Variants in IQCE observed in about 807,000 individuals in gnomAD.
IQCE encodes the protein IQ motif containing E.
A neutral mutation model predicts 96.0 loss-of-function variants in IQCE; 115 were observed. The observed-to-expected ratio is 1.20, with a 90% CI of 1.03 to 1.40. IQCE has a LOEUF of 1.40. IQCE is among the 40% of genes most tolerant of loss of function. The probability of loss-of-function intolerance (pLI) is 0.00; values close to 1 mark genes in which losing one functional copy is unlikely to be tolerated. For synonymous variants in IQCE, 412 were observed against 371.2 expected (o/e 1.11, Z -1.26); for missense variants, 1,041 against 909.1 (o/e 1.15, Z -1.87).
At chr7:2,594,359 C>T (rs1783852461) in intron 15 of IQCE, among the ~76,000 whole-genome samples, 1 of 124,282 alleles carries the variant, frequency 8.0e-6, no homozygotes, top group Middle Eastern at 3.9e-3. Context: ...GGCACATGTG[C>T]AGAAATGAAT....
At chr7:2,566,788 T>TG (rs1781406833) in intron 1 of IQCE, among the ~76,000 whole-genome samples, 1 of 152,230 alleles carries the variant, frequency 6.6e-6, no homozygotes, top group Non-Finnish European at 1.5e-5. Context: ...AGAACATTTA[T>TG]GTAAAAATGA....
rs7786874 is a variant in IQCE, at chr7:2,584,373, C to T, written c.824+88C>T. Reference sequence around the variant, plus strand: ...AGAATGTGTGGCTGTCACGTGGGTGCGGCATATACTGCCCTTAGCTTGGCA... The same window carrying T: ...AGAATGTGTGGCTGTCACGTGGGTGTGGCATATACTGCCCTTAGCTTGGCA... On this transcript the variant is annotated intron_variant, in intron 11 of 21. Transcript: ENST00000402050. The T allele has an allele frequency of 1.9e-3, 2,310 of 1,218,278 alleles. 36 individuals carry two copies. The African/African-American group carries it at 0.024, about 13-fold the overall frequency. The allele number at this position is 1,218,278 out of a possible 1,614,324, so 75.5% of individuals were successfully genotyped here. A position where few individuals can be genotyped will look rare whatever the true frequency, so the allele number is the denominator to read the frequency against.
At chr7:2,562,858 T>TC (rs1459714533) in intron 1 of IQCE, among the ~76,000 whole-genome samples, 1 of 151,772 alleles carries the variant, frequency 6.6e-6, no homozygotes, top group Non-Finnish European at 1.5e-5. Flanking sequence ...TTTCTTTCTT[T>TC]TTTTTTTTTA....
At chr7:2,577,678 C>T (rs1782267863) in intron 6 of IQCE, among the ~76,000 whole-genome samples, 1 of 81,840 alleles carries the variant, frequency 1.2e-5, no homozygotes, top group Non-Finnish European at 2.5e-5. Context: ...GACGTGTGTG[C>T]GGCGTGCACG....
rs533117330 is a variant in IQCE, at chr7:2,573,623, A to G, written c.465+135A>G. The stretch of plus-strand genomic sequence containing the variant: ...AGCGTTAGGGTCGAACCTGAGTTTG[A>G]GCCGTGGCGTAGTGCCCTAGGAGCT... On this transcript the variant is annotated intron_variant, in intron 6 of 21. Transcript: ENST00000402050. The G allele has an allele frequency of 2.0e-5, 11 of 553,848 alleles. No homozygotes were observed. The East Asian group carries it at 3.5e-4, about 18-fold the overall frequency. The allele number at this position is 553,848 out of a possible 1,614,324, so 34.3% of individuals were successfully genotyped here.
Position 2,559,096 on chromosome 7 carries a change from T to C in IQCE, c.-86T>C, listed in dbSNP as rs998894230. 5.5e-6 allele frequency: 4 copies of C among 725,860 alleles called. No homozygotes were observed. In the African/African-American group the frequency reaches 7.6e-5, roughly 14 times the overall value. The allele number at this position is 725,860 out of a possible 1,614,324, so 45.0% of individuals were successfully genotyped here. ...CCGGCGCCAGGGAAGGCCCCGAGGC[T>C]GCGGGCGGCCAGGGCTGCCCGCGGA... On this transcript the variant is annotated 5_prime_UTR_variant, in exon 1 of 22. Coordinates refer to ENST00000402050, the MANE Select transcript of IQCE (RefSeq NM_152558.5).
In IQCE at chr7:2,572,275, A is replaced by T; in HGVS notation, c.343A>T (p.Thr115Ser). 1.2e-6 allele frequency: 2 copies of T among 1,614,210 alleles called. No homozygotes were observed. The highest frequency in any genetic ancestry group is 1.7e-6 in the Non-Finnish European group (2 of 1,180,024). The part of the protein sequence containing the change: ...GVPGGTPDCL[T>S]DTFRVKRPHL... ...CCCCGGCGGCACTCCTGACTGTCTG[A>T]CAGACACCTTCAGAGTGAAGAGGCC... Residue 115 changes from threonine (T) to serine (S), a missense_variant, in exon 5 of 22, where the codon ACA (threonine) becomes TCA (serine). Transcript: ENST00000402050.
chr7:2,605,848 C>T (rs781399905), intron 19 of IQCE, 28 bp from the exon 20 acceptor site: 23 of 1,536,508 alleles, frequency 1.5e-5, no homozygotes, highest in Middle Eastern at 1.8e-4. Context: ...GCCAAACAGT[C>T]GTCTTCCCTG....
rs1338782879 is a variant in IQCE, at chr7:2,582,572, C to G, written c.631-8C>G. 4.3e-6 allele frequency: 7 copies of G among 1,613,684 alleles called. 1 individual carries two copies. In the South Asian group the frequency reaches 6.6e-5, roughly 15 times the overall value. On this transcript the variant is annotated splice_region_variant and splice_polypyrimidine_tract_variant and intron_variant, in intron 8 of 21. Coordinates refer to ENST00000402050, the MANE Select transcript of IQCE (RefSeq NM_152558.5). ...GTGGCCTGCCTGATGGGCACGTTCCCCGGGCAGGTCATTAACGGGCTGAAG... is the reference window on the plus strand; with the variant it reads ...GTGGCCTGCCTGATGGGCACGTTCCGCGGGCAGGTCATTAACGGGCTGAAG...
In IQCE at chr7:2,583,726, G is replaced by A. The variant is rs569190089; in HGVS notation, c.774+17G>A. The A allele has an allele frequency of 2.1e-6, 3 of 1,403,526 alleles. No homozygotes were observed. The highest frequency in any genetic ancestry group is 1.9e-6 in the Non-Finnish European group (2 of 1,054,876). 86.9% of individuals were successfully genotyped at this position (1,403,526 alleles called of 1,614,324 possible). A position where few individuals can be genotyped will look rare whatever the true frequency, so the allele number is the denominator to read the frequency against. On this transcript the variant is annotated intron_variant, in intron 10 of 21. Coordinates refer to ENST00000402050, the MANE Select transcript of IQCE (RefSeq NM_152558.5). ...TACGAGGAGGTGCGCCGTGCTGGGC[G>A]GCGGAGCGGAGGGCGGGCACCGAGC...
At chr7:2,573,392 GA>G in intron 5 of IQCE, 25 bp from the exon 6 acceptor site, 1 of 1,139,598 alleles carries the variant, frequency 8.8e-7, no homozygotes, top group African/African-American at 1.5e-5. Context: ...GATAGTCTTT[GA>G]AACGATTTGT....
In IQCE at chr7:2,575,254, CGTT is replaced by C. The variant is rs1782033127; in HGVS notation, c.465+1767_465+1769del. 2.0e-5 allele frequency among the ~76,000 whole-genome samples: 3 copies of C among 152,336 alleles called. No individual in the cohort carries two copies. The South Asian group carries it at 6.2e-4, about 32-fold the overall frequency. On this transcript the variant is annotated intron_variant, in intron 6 of 21. Transcript: ENST00000402050. ...CCTGTAGGTCAAGGGGGTACCACCT[CGTT>C]ATCACCCGCGAGGGTGGAGGTCCAG...
chr7:2,595,975 G>A (rs528991229), intron 16 of IQCE, among the ~76,000 whole-genome samples: 104 of 152,290 alleles, frequency 6.8e-4, no homozygotes, highest in African/African-American at 1.7e-3. Flanking sequence ...GTAGAAGGGC[G>A]TCCTCACAAA....
In IQCE at chr7:2,598,557, C is replaced by T. The variant is rs114555800; in HGVS notation, c.1533C>T (p.Arg511=). 2.2e-4 allele frequency: 354 copies of T among 1,610,534 alleles called. No homozygotes were observed. In the African/African-American group the frequency reaches 4.4e-3, roughly 20 times the overall value. ...GCGAGGAGGGGCTCCCGCGGCCCCG[C>T]TCCCCCTGCTCTGATGGGAGAAGAG... ...DSSEEGLPRP[R]SPCSDGRRDA... Residue 511 remains arginine, a synonymous_variant, in exon 17 of 22, where the codon CGC becomes CGT. Coordinates refer to ENST00000402050, the MANE Select transcript of IQCE (RefSeq NM_152558.5).
At chr7:2,602,976 G>A (rs1336824206) in intron 18 of IQCE, among the ~76,000 whole-genome samples, 1 of 152,156 alleles carries the variant, frequency 6.6e-6, no homozygotes, top group Admixed American at 6.5e-5. Flanking sequence ...CTGAGGAAGG[G>A]ACCCCTGCTC....
At chr7:2,570,745 T>C (rs1781697578) in intron 3 of IQCE, among the ~76,000 whole-genome samples, 1 of 152,206 alleles carries the variant, frequency 6.6e-6, no homozygotes, top group South Asian at 2.1e-4. Context: ...TAAAGAATTT[T>C]AAAACATTTC....
chr7:2,576,852 A>T (rs1429341062), intron 6 of IQCE, among the ~76,000 whole-genome samples: 1 of 152,262 alleles, frequency 6.6e-6, no homozygotes, highest in Non-Finnish European at 1.5e-5. Context: ...AGTTTTATTG[A>T]TAAAAATGCG....
intron 1 of IQCE, 122 bp from the exon 2 acceptor site, chr7:2,566,986 GGCCTCAGA>G (rs1465744023): frequency 2.8e-6 from 2 of 719,286 alleles, no homozygotes; most frequent in African/African-American, 3.5e-5. Context: ...TGTTCTGAGT[GGCCTCAGA>G]GCTGGATTTC....
chr7:2,559,946 G>T (rs1477591139), intron 1 of IQCE, among the ~76,000 whole-genome samples: 1 of 151,926 alleles, frequency 6.6e-6, no homozygotes, highest in Non-Finnish European at 1.5e-5. Context: ...ATCGCTTGAG[G>T]CCAAGAGTTC....
Sources: allele counts gnomAD v4.1 joint callset (sites outside exome capture counted in the v4.1 genomes callset), GRCh38; gene constraint gnomAD v4.1.1; transcripts MANE v1.5; gene names NCBI Gene and HGNC (gene_info 2026-07-23, HGNC 2026-07-21).